The following P4HA1 variants were observed in gnomAD, a reference collection of about 807,000 sequenced individuals.
The protein encoded by P4HA1 is prolyl 4-hydroxylase subunit alpha 1.
Under a neutral mutation model 72.8 loss-of-function variants are expected in P4HA1, and 24 were observed. That is an observed-to-expected ratio of 0.33 (90% CI 0.24 to 0.46). P4HA1 has a LOEUF of 0.46. Among genes scored for constraint, P4HA1 ranks in the 20% least tolerant of loss-of-function variants. The pLI is 1.00. For synonymous variants in P4HA1, 201 were observed against 218.8 expected, an observed-to-expected ratio of 0.92 and a Z score of 0.72; for missense variants, 446 against 640.6, an observed-to-expected ratio of 0.70 and a Z score of 3.28.
chr10:73,075,740 A>AGTGTG (rs1381459834), intron 1 of P4HA1, among the ~76,000 whole-genome samples: 16 of 148,558 alleles, frequency 1.1e-4, no homozygotes, highest in Admixed American at 3.3e-4. Context: ...ATATATATAT[A>AGTGTG]TAGTGTGTGT....
intron 6 of P4HA1, among the ~76,000 whole-genome samples, chr10:73,052,175 C>T (rs1199373722): frequency 1.3e-5 from 2 of 150,942 alleles, no homozygotes; most frequent in African/African-American, 4.9e-5. Context: ...GATGACTACG[C>T]TACCCATCTG....
chr10:73,071,022 A>G (rs982435979), intron 4 of P4HA1, among the ~76,000 whole-genome samples: 2 of 151,936 alleles, frequency 1.3e-5, no homozygotes, highest in Non-Finnish European at 2.9e-5. Flanking sequence ...TTTCTAAGAA[A>G]GAAAAATTTT....
intron 9 of P4HA1, among the ~76,000 whole-genome samples, chr10:73,041,736 T>C (rs1166624752): frequency 6.6e-6 from 1 of 152,116 alleles, no homozygotes; most frequent in East Asian, 1.9e-4. Context: ...TCATATCCCC[T>C]TTGTTCATCA....
chr10:73,090,597 T>C (rs895528868), intron 1 of P4HA1, among the ~76,000 whole-genome samples: 2 of 152,236 alleles, frequency 1.3e-5, no homozygotes, highest in Non-Finnish European at 2.9e-5. Context: ...ATCAGTTTAT[T>C]CAATTTATTA....
chr10:73,048,151 A>T (rs757882537), intron 7 of P4HA1, among the ~76,000 whole-genome samples: 3 of 152,216 alleles, frequency 2.0e-5, no homozygotes, highest in Non-Finnish European at 4.4e-5. Flanking sequence ...ACAAATAATG[A>T]TTCATGTTTA....
intron 5 of P4HA1, among the ~76,000 whole-genome samples, chr10:73,064,379 G>A (rs1232772413): frequency 6.6e-6 from 1 of 152,146 alleles, no homozygotes; most frequent in African/African-American, 2.4e-5. Flanking sequence ...GGAGACTGAG[G>A]TAGGAGGATC....
intron 12 of P4HA1, among the ~76,000 whole-genome samples, chr10:73,013,747 T>A (rs1370944653): frequency 6.6e-6 from 1 of 152,112 alleles, no homozygotes; most frequent in African/African-American, 2.4e-5. Flanking sequence ...TTTCTGGGGG[T>A]TGTAATATGC....
chr10:73,092,797 T>C (rs1236721571), intron 1 of P4HA1, among the ~76,000 whole-genome samples: 2 of 152,058 alleles, frequency 1.3e-5, no homozygotes, highest in Non-Finnish European at 2.9e-5. Context: ...GCACTACTTA[T>C]AATGGAGAAA....
chr10:73,062,000 T>C (rs551692462), intron 5 of P4HA1, among the ~76,000 whole-genome samples: 3 of 152,270 alleles, frequency 2.0e-5, no homozygotes, highest in South Asian at 2.1e-4. Context: ...GCCTGGCTGA[T>C]AGAGTGAAAT....
chr10:73,074,926 A>G lies in P4HA1; in HGVS notation c.-32-11T>C, dbSNP rs1554842475. On this transcript the variant is annotated splice_polypyrimidine_tract_variant and intron_variant, in intron 1 of 14. Transcript: ENST00000394890. ...TACAGGATCACACACCTACAAAAGA[A>G]AGAGAGAAATGCAGCCATTACTTAA... The G allele has an allele frequency of 3.5e-6, 3 of 864,158 alleles. No homozygotes were observed. The highest frequency in any genetic ancestry group is 3.8e-6 in the Non-Finnish European group (2 of 523,796). 53.5% of individuals were successfully genotyped at this position (864,158 alleles called of 1,614,324 possible).
At chr10:73,056,103 A>G (rs1205608686) in intron 5 of P4HA1, among the ~76,000 whole-genome samples, 1 of 152,148 alleles carries the variant, frequency 6.6e-6, no homozygotes, top group Non-Finnish European at 1.5e-5. Context: ...TAATACTACT[A>G]TTTTTCAGTT....
At chr10:73,067,630 C>T (rs1841458242) in intron 5 of P4HA1, among the ~76,000 whole-genome samples, 2 of 152,186 alleles carry the variant, frequency 1.3e-5, no homozygotes, top group African/African-American at 4.8e-5. Context: ...TCCTTTTGAC[C>T]TTTCTACATG....
At chr10:73,028,544 A>G (rs1589585025) in intron 10 of P4HA1, among the ~76,000 whole-genome samples, 1 of 151,894 alleles carries the variant, frequency 6.6e-6, no homozygotes, top group Non-Finnish European at 1.5e-5. Context: ...CAATTCTCCT[A>G]CCTCAGCCTG....
At chr10:73,057,670 T>C (rs1281992864) in intron 5 of P4HA1, among the ~76,000 whole-genome samples, 1 of 152,072 alleles carries the variant, frequency 6.6e-6, no homozygotes, top group East Asian at 1.9e-4. Flanking sequence ...AAACAAAGAA[T>C]TCCAAGCCAA....
At chr10:73,075,357 C>T (rs1841673313) in intron 1 of P4HA1, among the ~76,000 whole-genome samples, 1 of 152,166 alleles carries the variant, frequency 6.6e-6, no homozygotes. Flanking sequence ...TATCCACCCG[C>T]CTCAGCCTCC....
intron 1 of P4HA1, among the ~76,000 whole-genome samples, chr10:73,077,002 G>A (rs1229433432): frequency 6.6e-6 from 1 of 152,188 alleles, no homozygotes. Context: ...CCTCCCTCGA[G>A]TTTGCTGCAA....
chr10:73,010,853 G>A, intron 13 of P4HA1, 116 bp downstream of exon 13: 1 of 718,558 alleles, frequency 1.4e-6, no homozygotes, highest in Non-Finnish European at 2.4e-6. Context: ...GCGAGAACAG[G>A]TCTCAAAAAA....
chr10:73,022,837 T>A (rs889286104), intron 10 of P4HA1, among the ~76,000 whole-genome samples: 1 of 152,116 alleles, frequency 6.6e-6, no homozygotes, highest in Non-Finnish European at 1.5e-5. Flanking sequence ...CATAAGAACG[T>A]CATGGTGCAT....
intron 5 of P4HA1, among the ~76,000 whole-genome samples, chr10:73,058,201 G>T (rs1001557360): frequency 2.6e-5 from 4 of 151,700 alleles, no homozygotes; most frequent in Admixed American, 6.6e-5. Context: ...CTAGCAGGGT[G>T]GCAATCTTTA....
Sources: gnomAD v4.1 joint callset for allele counts (sites outside exome capture counted in the v4.1 genomes callset) on GRCh38, gnomAD v4.1.1 for gene constraint, MANE v1.5 for transcripts, NCBI Gene and HGNC (gene_info 2026-07-23, HGNC 2026-07-21) for gene names.